EFL1: variants seen among roughly 807,000 people sequenced by gnomAD.
EFL1 encodes the protein elongation factor like GTPase 1.
A neutral mutation model predicts 126.7 loss-of-function variants in EFL1; 76 were observed. The observed-to-expected ratio is 0.60, with a 90% confidence interval of 0.50 to 0.73. The LOEUF is 0.73. Among genes scored for constraint, EFL1 ranks in the 30% least tolerant of loss-of-function variants. The pLI, the probability that EFL1 is intolerant of heterozygous loss-of-function variation, is 0.00. For missense variants in EFL1, 1,128 were observed against 1,343.2 expected (o/e 0.84, Z 2.50); for synonymous variants, 410 against 448.4 (o/e 0.91, Z 1.08).
At chr15:82,190,227 G>A (rs550283061) in intron 15 of EFL1, among the ~76,000 whole-genome samples, 2 of 151,864 alleles carry the variant, frequency 1.3e-5, no homozygotes, top group African/African-American at 4.8e-5. Flanking sequence ...TCCTCACTGC[G>A]TTGTTTTAAA....
chr15:82,204,541 G>T (rs2074504342), intron 15 of EFL1, among the ~76,000 whole-genome samples: 1 of 152,110 alleles, frequency 6.6e-6, no homozygotes, highest in African/African-American at 2.4e-5. Context: ...AATCAAATCT[G>T]AACTTATCAA....
In EFL1 at chr15:82,238,450, G is replaced by T. The variant is rs771689046; in HGVS notation, c.588C>A (p.Ser196=). The T allele has an allele frequency of 1.9e-6, 3 of 1,614,038 alleles. No individual in the cohort carries two copies. The South Asian group carries it at 3.3e-5, about 18-fold the overall frequency. Residue 196 remains serine (S), a synonymous_variant, in exon 7 of 20, where the codon TCC becomes TCA. Coordinates refer to ENST00000268206, the MANE Select transcript of EFL1 (RefSeq NM_024580.6). Reference sequence around the variant, plus strand: ...CTTGTTCAGAATTTGGATTCACTTGGGATTCAGTCTCCCTCTCTGCTCTTT... The same window carrying T: ...CTTGTTCAGAATTTGGATTCACTTGTGATTCAGTCTCCCTCTCTGCTCTTT... ...LEERAERETE[S]QVNPNSEQGE...
chr15:82,130,590 AGGTTAG>A, intron 19 of EFL1, 29 bp from the exon 20 acceptor site: 1 of 1,607,056 alleles, frequency 6.2e-7, no homozygotes. Flanking sequence ...AGAATGTGCA[AGGTTAG>A]GCATTTTTAA....
At chr15:82,133,422 G>A (rs1291706289) in intron 19 of EFL1, among the ~76,000 whole-genome samples, 1 of 152,166 alleles carries the variant, frequency 6.6e-6, no homozygotes, top group Non-Finnish European at 1.5e-5. Flanking sequence ...CCTGCCCTTT[G>A]CCATGTTTGC....
At chr15:82,198,489 T>C (rs1305350186) in intron 15 of EFL1, among the ~76,000 whole-genome samples, 1 of 152,172 alleles carries the variant, frequency 6.6e-6, no homozygotes, top group African/African-American at 2.4e-5. Context: ...GAAGAGATCT[T>C]TGGAAGGATG....
At chr15:82,255,526 T>C (rs939546637) in intron 3 of EFL1, among the ~76,000 whole-genome samples, 66 of 152,254 alleles carry the variant, frequency 4.3e-4, no homozygotes, top group Non-Finnish European at 7.5e-4. Flanking sequence ...ATTAACCTTT[T>C]ATAAAATTGT....
At chr15:82,192,955 G>C (rs8035645) in intron 15 of EFL1, among the ~76,000 whole-genome samples, 1 of 152,088 alleles carries the variant, frequency 6.6e-6, no homozygotes, top group African/African-American at 2.4e-5. Context: ...TGTGATCAAC[G>C]GTTATGTCAG....
chr15:82,145,910 A>T (rs1428929863), intron 18 of EFL1, among the ~76,000 whole-genome samples: 1 of 152,048 alleles, frequency 6.6e-6, no homozygotes, highest in Non-Finnish European at 1.5e-5. Context: ...AATATTTTTA[A>T]AATGTGGTTA....
intron 15 of EFL1, among the ~76,000 whole-genome samples, chr15:82,173,716 G>C (rs768924436): frequency 6.6e-6 from 1 of 151,848 alleles, no homozygotes; most frequent in African/African-American, 2.4e-5. Flanking sequence ...AAATATATAA[G>C]AAAACATATA....
At chr15:82,152,472 A>G (rs937584304) in intron 17 of EFL1, 49 bp from the exon 18 acceptor site, 10 of 1,474,968 alleles carry the variant, frequency 6.8e-6, no homozygotes, top group Non-Finnish European at 9.1e-6. Context: ...TCAAAATAGC[A>G]TCAAAGCTCC....
intron 15 of EFL1, among the ~76,000 whole-genome samples, chr15:82,203,354 G>T (rs2074490692): frequency 6.6e-6 from 1 of 151,870 alleles, no homozygotes; most frequent in Non-Finnish European, 1.5e-5. Context: ...AACAATATAT[G>T]GCATGTACAT....
intron 16 of EFL1, among the ~76,000 whole-genome samples, chr15:82,161,996 G>A (rs1014165204): frequency 6.6e-6 from 1 of 152,250 alleles, no homozygotes; most frequent in African/African-American, 2.4e-5. Flanking sequence ...TCACATCTTA[G>A]GCCAGGCACA....
chr15:82,226,693 C>T (rs150690243), intron 11 of EFL1, among the ~76,000 whole-genome samples: 142 of 152,280 alleles, frequency 9.3e-4, no homozygotes, highest in African/African-American at 3.2e-3. Flanking sequence ...TCTGAAGACA[C>T]ATAATCGTGG....
chr15:82,220,653 T>C (rs1445143203), intron 12 of EFL1, among the ~76,000 whole-genome samples: 3 of 152,116 alleles, frequency 2.0e-5, no homozygotes, highest in African/African-American at 7.2e-5. Context: ...GGATGAGTAC[T>C]GGCAATTCAT....
intron 15 of EFL1, among the ~76,000 whole-genome samples, chr15:82,173,572 A>G (rs1272157568): frequency 6.6e-6 from 1 of 152,236 alleles, no homozygotes; most frequent in Non-Finnish European, 1.5e-5. Context: ...TGATTGTTTC[A>G]GTCAGCTCCT....
intron 11 of EFL1, 54 bp downstream of exon 11, chr15:82,227,396 G>A: frequency 6.2e-7 from 1 of 1,613,364 alleles, no homozygotes; most frequent in Non-Finnish European, 8.5e-7. Context: ...AGAGCAGCCT[G>A]GATGGAGGAC....
intron 4 of EFL1, among the ~76,000 whole-genome samples, chr15:82,251,580 C>T (rs1479447290): frequency 1.3e-5 from 2 of 152,072 alleles, no homozygotes; most frequent in African/African-American, 2.4e-5. Context: ...AATCAATAGA[C>T]CCTTAACCTC....
chr15:82,158,818 A>G (rs1016600992), intron 16 of EFL1, among the ~76,000 whole-genome samples: 1 of 152,246 alleles, frequency 6.6e-6, no homozygotes, highest in African/African-American at 2.4e-5. Context: ...TAGCACTAAC[A>G]ATGTGCCAGA....
chr15:82,258,374 C>A (rs1177371994), intron 3 of EFL1, among the ~76,000 whole-genome samples: 1 of 152,064 alleles, frequency 6.6e-6, no homozygotes, highest in South Asian at 2.1e-4. Context: ...GCCTAGGGAA[C>A]ATGGCAAAAC....
Sources: gnomAD v4.1 joint callset for allele counts (sites outside exome capture counted in the v4.1 genomes callset) on GRCh38, gnomAD v4.1.1 for gene constraint, MANE v1.5 for transcripts, NCBI Gene and HGNC (gene_info 2026-07-23, HGNC 2026-07-21) for gene names.